The following TMEM135 variants were observed in gnomAD, a reference collection of about 807,000 sequenced individuals.
TMEM135 encodes the protein peroxisomal membrane protein 52.
In TMEM135, 30 loss-of-function variants were observed where a neutral mutation model predicts 60.3. The ratio of observed to expected loss-of-function variants is 0.50; its 90% CI spans 0.37 to 0.68. The LOEUF is 0.68. TMEM135 is among the 30% of genes least tolerant of loss of function. The pLI, the probability that TMEM135 is intolerant of heterozygous loss-of-function variation, is 0.00. For missense variants in TMEM135, 468 were observed against 548.8 expected (o/e 0.85, Z 1.47); for synonymous variants, 190 against 186.7 (o/e 1.02, Z -0.14).
In TMEM135 at chr11:87,244,543, A is replaced by T. The variant is rs372178815; in HGVS notation, c.509+7859A>T. ...CAATTTCAGAGCCTGTTATTGGTCT[A>T]TTCAGATATTCAACTTCTTCCTGGT... On this transcript the variant is annotated intron_variant, in intron 6 of 14. Transcript: ENST00000305494. 1.3e-4 allele frequency among the ~76,000 whole-genome samples: 8 copies of T among 61,848 alleles called. 2 individuals carry two copies. Among genetic ancestry groups the T allele is most frequent in the African/African-American group, 5.0e-4 (8 of 16,100 alleles). The allele number at this position is 61,848 out of a possible 152,430, so 40.6% of individuals were successfully genotyped here. A position where few individuals can be genotyped will look rare whatever the true frequency, so the allele number is the denominator to read the frequency against.
At chr11:87,190,707 G>A (rs1939779254) in intron 5 of TMEM135, among the ~76,000 whole-genome samples, 1 of 152,162 alleles carries the variant, frequency 6.6e-6, no homozygotes, top group Non-Finnish European at 1.5e-5. Context: ...ACCTGAAAGA[G>A]AAAGACAGCA....
At chr11:87,206,054 G>GT (rs1410310196) in intron 5 of TMEM135, among the ~76,000 whole-genome samples, 2 of 152,280 alleles carry the variant, frequency 1.3e-5, no homozygotes. Flanking sequence ...GCTAGTGGTT[G>GT]TGAACTACTG....
intron 10 of TMEM135, among the ~76,000 whole-genome samples, chr11:87,311,351 A>G (rs1942638856): frequency 6.6e-6 from 1 of 152,064 alleles, no homozygotes; most frequent in Non-Finnish European, 1.5e-5. Flanking sequence ...CATTTTCAAT[A>G]TGGTTTGACT....
intron 6 of TMEM135, among the ~76,000 whole-genome samples, chr11:87,269,971 A>G (rs1192780861): frequency 8.1e-6 from 1 of 123,554 alleles, no homozygotes; most frequent in Non-Finnish European, 1.9e-5. Flanking sequence ...ACAGTGTAAA[A>G]GTGTTCCTGT....
At chr11:87,038,527 G>A (rs1949723338) in intron 1 of TMEM135, among the ~76,000 whole-genome samples, 1 of 151,212 alleles carries the variant, frequency 6.6e-6, no homozygotes. Context: ...CCTGCCTTGT[G>A]ATGGAGAGGT....
At chr11:87,295,894 T>A (rs1942339743) in intron 7 of TMEM135, 71 bp downstream of exon 7, 3 of 1,210,854 alleles carry the variant, frequency 2.5e-6, no homozygotes, top group East Asian at 2.4e-5. Context: ...ATAATTACAA[T>A]AAATAGGTAT....
chr11:87,281,428 A>C (rs146817226), intron 6 of TMEM135, among the ~76,000 whole-genome samples: 1 of 152,236 alleles, frequency 6.6e-6, no homozygotes, highest in African/African-American at 2.4e-5. Flanking sequence ...ATACTAATTG[A>C]TGTGTTGTAG....
At chr11:87,178,053 T>A (rs1306072034) in intron 5 of TMEM135, among the ~76,000 whole-genome samples, 2 of 152,168 alleles carry the variant, frequency 1.3e-5, no homozygotes, top group African/African-American at 4.8e-5. Flanking sequence ...CAAGCCTCAG[T>A]GTTCAGAGCT....
At chr11:87,180,244 G>A (rs986859538) in intron 5 of TMEM135, among the ~76,000 whole-genome samples, 6 of 152,100 alleles carry the variant, frequency 3.9e-5, no homozygotes, top group Non-Finnish European at 5.9e-5. Flanking sequence ...CAACTATGCA[G>A]GCATTTAAAA....
intron 6 of TMEM135, among the ~76,000 whole-genome samples, chr11:87,250,760 A>G (rs1048152367): frequency 1.3e-5 from 2 of 152,234 alleles, no homozygotes; most frequent in African/African-American, 2.4e-5. Flanking sequence ...AAATCAAATT[A>G]TATACAGAAT....
At chr11:87,066,330 C>T (rs1013731051) in intron 1 of TMEM135, among the ~76,000 whole-genome samples, 21 of 152,236 alleles carry the variant, frequency 1.4e-4, no homozygotes, top group Middle Eastern at 6.8e-3. Flanking sequence ...GCTCATATCC[C>T]GTTCTCCATG....
At chr11:87,140,202 G>A (rs1054049198) in intron 4 of TMEM135, among the ~76,000 whole-genome samples, 1 of 151,876 alleles carries the variant, frequency 6.6e-6, no homozygotes, top group Admixed American at 6.6e-5. Context: ...GAAGTAGCTG[G>A]GACTACAGGT....
intron 10 of TMEM135, among the ~76,000 whole-genome samples, chr11:87,310,730 C>T (rs913161961): frequency 2.6e-5 from 4 of 151,584 alleles, no homozygotes; most frequent in Admixed American, 6.6e-5. Flanking sequence ...AGAGAAGGAG[C>T]GAACCTTGAG....
chr11:87,042,512 G>T (rs1182677927), intron 1 of TMEM135, among the ~76,000 whole-genome samples: 1 of 152,150 alleles, frequency 6.6e-6, no homozygotes, highest in African/African-American at 2.4e-5. Context: ...AGTTTCTAAG[G>T]CTAGCTCAGG....
At chr11:87,253,724 G>A (rs940014792) in intron 6 of TMEM135, among the ~76,000 whole-genome samples, 134 of 71,144 alleles carry the variant, frequency 1.9e-3, no homozygotes, top group Admixed American at 5.6e-3. Flanking sequence ...TAACCTGATG[G>A]AATTTTAACC....
intron 5 of TMEM135, among the ~76,000 whole-genome samples, chr11:87,175,670 A>G (rs1396197220): frequency 2.0e-5 from 3 of 152,212 alleles, no homozygotes; most frequent in Admixed American, 1.3e-4. Flanking sequence ...TCTTAAGATC[A>G]TATCAATTTG....
At chr11:87,290,287 A>C (rs1287902280) in intron 6 of TMEM135, among the ~76,000 whole-genome samples, 1 of 133,550 alleles carries the variant, frequency 7.5e-6, no homozygotes. Context: ...AACATTTTAT[A>C]TTGAATGGAT....
intron 7 of TMEM135, among the ~76,000 whole-genome samples, chr11:87,299,546 T>C (rs950177053): frequency 3.3e-5 from 5 of 152,264 alleles, no homozygotes; most frequent in African/African-American, 1.2e-4. Context: ...TCAACAAGTG[T>C]GAGATAATAC....
chr11:87,324,569 G>A lies in TMEM135; in HGVS notation c.*3236G>A, dbSNP rs371307326. On this transcript the variant is annotated 3_prime_UTR_variant, in exon 15 of 15. Transcript: ENST00000305494. ...CTAATAGCTGGGACAACAGGCATGT[G>A]CCACCATGCCTGGCTAATATTTATT... is the stretch of plus-strand genomic sequence containing the variant. 1,506 of 449,492 alleles carry A rather than the reference G, an allele frequency of 3.4e-3. 46 individuals are homozygous for A. Among genetic ancestry groups the A allele is most frequent in the South Asian group, 0.023 (1,460 of 62,756 alleles). The allele number at this position is 449,492 out of a possible 1,614,324, so 27.8% of individuals were successfully genotyped here. A position where few individuals can be genotyped will look rare whatever the true frequency, so the allele number is the denominator to read the frequency against.
Sources: allele counts gnomAD v4.1 joint callset (sites outside exome capture counted in the v4.1 genomes callset), GRCh38; gene constraint gnomAD v4.1.1; transcripts MANE v1.5; gene names NCBI Gene and HGNC (gene_info 2026-07-23, HGNC 2026-07-21).